RANBP17: variants seen among roughly 807,000 people sequenced by gnomAD.
The protein encoded by RANBP17 is RAN binding protein 17, also known as ran-binding protein 17.
RANBP17 carries 158 observed loss-of-function variants against 141.2 expected under a neutral mutation model. The ratio of observed to expected loss-of-function variants is 1.12; its 90% CI spans 0.98 to 1.28. The LOEUF is 1.28. RANBP17 is among the 50% of genes most tolerant of loss of function. RANBP17 has a pLI of 0.00. For missense variants in RANBP17, 1,438 were observed against 1,290.7 expected (o/e 1.11, Z -1.75); for synonymous variants, 430 against 450.0 (o/e 0.96, Z 0.56).
intron 1 of RANBP17, among the ~76,000 whole-genome samples, chr5:170,872,774 A>G (rs911510527): frequency 1.3e-5 from 2 of 152,072 alleles, no homozygotes; most frequent in African/African-American, 4.8e-5. Context: ...TTTCTGCATC[A>G]TTCTATTGAG....
At chr5:171,015,211 G>C (rs1426586625) in intron 14 of RANBP17, among the ~76,000 whole-genome samples, 1 of 151,958 alleles carries the variant, frequency 6.6e-6, no homozygotes, top group East Asian at 1.9e-4. Context: ...TGTAAAATTT[G>C]GAAAACTTTT....
rs145253865 is a variant in RANBP17 at position 171,175,782 on chromosome 5, G to A, written c.1865+4496G>A. Among the ~76,000 whole-genome samples, 227 of 151,296 alleles carry A rather than the reference G, an allele frequency of 1.5e-3. 1 individual carries two copies. The highest frequency in any genetic ancestry group is 5.0e-3 in the African/African-American group (205 of 41,192). ...GACTCTATAAGAGAGTTCCACATTC[G>A]TTTTTGAGTTTATCCAAACTTTTTT... On this transcript the variant is annotated intron_variant, in intron 16 of 27. Transcript: ENST00000523189.
At chr5:171,124,885 A>G (rs1433867060) in intron 14 of RANBP17, among the ~76,000 whole-genome samples, 1 of 152,244 alleles carries the variant, frequency 6.6e-6, no homozygotes, top group Admixed American at 6.5e-5. Context: ...TTGAATGTAA[A>G]CTGTTTAAAT....
chr5:171,038,377 A>G (rs576957552), intron 14 of RANBP17, among the ~76,000 whole-genome samples: 54 of 152,192 alleles, frequency 3.5e-4, no homozygotes, highest in African/African-American at 1.3e-3. Flanking sequence ...TTTCAGGTAT[A>G]CAATCATATT....
At chr5:171,207,913 G>A (rs1157394027) in intron 20 of RANBP17, 1 of 152,088 alleles carries the variant, frequency 6.6e-6, no homozygotes, top group African/African-American at 2.4e-5. Flanking sequence ...AGCAGTTTCA[G>A]GTGATAAAGT....
intron 14 of RANBP17, among the ~76,000 whole-genome samples, chr5:170,993,998 A>G (rs1411792936): frequency 2.6e-5 from 4 of 152,076 alleles, no homozygotes; most frequent in African/African-American, 7.2e-5. Flanking sequence ...AGGAGCTCCT[A>G]CCTTAAACGA....
intron 5 of RANBP17, chr5:170,897,219 G>A (rs1029201357): frequency 1.5e-6 from 1 of 674,422 alleles, no homozygotes; most frequent in East Asian, 3.7e-5. Flanking sequence ...AAAGTTTTTG[G>A]CAGTCTGTAT....
At chr5:170,870,070 C>G (rs1475048627) in intron 1 of RANBP17, among the ~76,000 whole-genome samples, 1 of 152,002 alleles carries the variant, frequency 6.6e-6, no homozygotes, top group Non-Finnish European at 1.5e-5. Context: ...TGCATGCCAG[C>G]AGGATCAGTT....
intron 14 of RANBP17, among the ~76,000 whole-genome samples, chr5:171,111,873 C>G (rs1214751016): frequency 6.6e-6 from 1 of 152,154 alleles, no homozygotes; most frequent in East Asian, 1.9e-4. Flanking sequence ...TTATGAGCCA[C>G]TTATACTTAG....
chr5:171,049,364 A>G lies in RANBP17; in HGVS notation c.1710+80987A>G, dbSNP rs143166594. 7.9e-5 allele frequency among the ~76,000 whole-genome samples: 12 copies of G among 152,320 alleles called. No homozygotes were observed. In the East Asian group the frequency reaches 1.9e-3, roughly 24 times the overall value. ...TTTAAGTTCCTTATAGATGCTGGAT[A>G]TTAGACCTTTGTTGGATGCATAGTT... is the stretch of plus-strand genomic sequence containing the variant. On this transcript the variant is annotated intron_variant, in intron 14 of 27. Transcript: ENST00000523189.
At chr5:171,202,768 T>C (rs1320374299) in intron 19 of RANBP17, among the ~76,000 whole-genome samples, 2 of 152,212 alleles carry the variant, frequency 1.3e-5, no homozygotes, top group Non-Finnish European at 2.9e-5. Flanking sequence ...ATTAAGAGTA[T>C]GCTGTAAGGA....
At chr5:171,021,899 G>C (rs563365176) in intron 14 of RANBP17, among the ~76,000 whole-genome samples, 1 of 152,090 alleles carries the variant, frequency 6.6e-6, no homozygotes, top group East Asian at 1.9e-4. Context: ...TCTCATCTTC[G>C]TGAGTTTGTC....
chr5:170,979,830 G>T (rs1316068775), intron 14 of RANBP17, among the ~76,000 whole-genome samples: 1 of 152,166 alleles, frequency 6.6e-6, no homozygotes, highest in Non-Finnish European at 1.5e-5. Flanking sequence ...ATTGGTACTG[G>T]GAGTGGGACA....
intron 16 of RANBP17, among the ~76,000 whole-genome samples, chr5:171,175,545 G>T (rs1286137308): frequency 6.6e-6 from 1 of 151,962 alleles, no homozygotes; most frequent in East Asian, 1.9e-4. Flanking sequence ...ATCTGACAAG[G>T]CTAATATCCA....
chr5:171,254,474 A>G (rs1156287197), intron 24 of RANBP17, among the ~76,000 whole-genome samples: 1 of 152,184 alleles, frequency 6.6e-6, no homozygotes, highest in Non-Finnish European at 1.5e-5. Context: ...AGTGAGCTAA[A>G]CAAACCCTTT....
intron 13 of RANBP17, among the ~76,000 whole-genome samples, chr5:170,967,456 A>G (rs1776655503): frequency 1.3e-5 from 2 of 152,012 alleles, no homozygotes; most frequent in Admixed American, 1.3e-4. Context: ...TTGTTAGCAC[A>G]AGGTACTTGG....
chr5:171,231,437 C>CT (rs1367457161), intron 22 of RANBP17, among the ~76,000 whole-genome samples: 4 of 152,122 alleles, frequency 2.6e-5, no homozygotes, highest in African/African-American at 9.7e-5. Context: ...AAATACTACT[C>CT]TAAGACTATA....
chr5:171,052,986 ACT>A (rs1561595348), intron 14 of RANBP17, among the ~76,000 whole-genome samples: 2 of 22,282 alleles, frequency 9.0e-5, no homozygotes, highest in Non-Finnish European at 2.7e-4. Context: ...CCAAGTAGCT[ACT>A]TTCATATTTT....
chr5:171,178,178 A>AC (rs1449783097), intron 16 of RANBP17, among the ~76,000 whole-genome samples: 4 of 19,906 alleles, frequency 2.0e-4, no homozygotes, highest in Non-Finnish European at 4.0e-4. Flanking sequence ...CTACCCCCCC[A>AC]CCCCCCGACA....
Sources: gnomAD v4.1 joint callset for allele counts (sites outside exome capture counted in the v4.1 genomes callset) on GRCh38, gnomAD v4.1.1 for gene constraint, MANE v1.5 for transcripts, NCBI Gene and HGNC (gene_info 2026-07-23, HGNC 2026-07-21) for gene names.